The following AHR variants were observed in gnomAD, a reference collection of about 807,000 sequenced individuals.
AHR encodes the protein aryl hydrocarbon receptor.
Under a neutral mutation model 86.8 loss-of-function variants are expected in AHR, and 40 were observed. That is an observed-to-expected ratio of 0.46 (90% CI 0.36 to 0.60). The LOEUF is 0.60. AHR is among the 20% of genes least tolerant of loss of function. The pLI, the probability that AHR is intolerant of heterozygous loss-of-function variation, is 0.00. For synonymous variants in AHR, 398 were observed against 354.9 expected, an observed-to-expected ratio of 1.12 and a Z score of -1.37; for missense variants, 1,001 against 1,011.6, an observed-to-expected ratio of 0.99 and a Z score of 0.14.
At chr7:17,304,722 G>A (rs978930381) in intron 1 of AHR, among the ~76,000 whole-genome samples, 1 of 152,086 alleles carries the variant, frequency 6.6e-6, no homozygotes, top group Non-Finnish European at 1.5e-5. Flanking sequence ...GTAGGAAAAA[G>A]AATGTCTTTA....
intron 6 of AHR, 77 bp downstream of exon 6, chr7:17,330,963 A>G (rs1782282419): frequency 5.3e-6 from 8 of 1,497,226 alleles, no homozygotes; most frequent in Non-Finnish European, 7.3e-6. Context: ...ATTTAGCAAA[A>G]TATAATTCAG....
chr7:17,307,983 C>T (rs1350703657), intron 1 of AHR, among the ~76,000 whole-genome samples: 2 of 152,146 alleles, frequency 1.3e-5, no homozygotes, highest in Admixed American at 1.3e-4. Flanking sequence ...CTGTCCAAAC[C>T]AGCATCACGT....
Position 17,335,764 on chromosome 7 carries a change from A to G in AHR, c.1138A>G (p.Ile380Val). 6.2e-7 allele frequency: 1 copy of G among 1,612,956 alleles called. No homozygotes were observed. The highest frequency in any genetic ancestry group is 8.5e-7 in the Non-Finnish European group (1 of 1,179,428). The part of the protein sequence containing the change: ...LYKNGRPDYI[I>V]VTQRPLTDEE... ...TAAAAATGGAAGACCAGATTATATC[A>G]TTGTAACTCAGAGACCACTAACGTA... The change falls in exon 9 of 11, where the codon ATT (isoleucine) becomes GTT (valine). Residue 380 changes from isoleucine (I) to valine (V), a missense_variant. Around this residue, in one of 2 missense-constraint regions of AHR, gnomAD observed 394 missense variants for 468.5 expected, o/e 0.84. Coordinates refer to ENST00000242057, the MANE Select transcript of AHR (RefSeq NM_001621.5).
At chr7:17,336,989 A>G (rs1267868368) in intron 9 of AHR, among the ~76,000 whole-genome samples, 1 of 152,130 alleles carries the variant, frequency 6.6e-6, no homozygotes, top group Non-Finnish European at 1.5e-5. Context: ...ATACTTAAAC[A>G]TATATATCAG....
chr7:17,325,859 C>T (rs1782224800), intron 3 of AHR, among the ~76,000 whole-genome samples: 1 of 152,056 alleles, frequency 6.6e-6, no homozygotes, highest in South Asian at 2.1e-4. Flanking sequence ...AGGCTTAATA[C>T]CTGGGTGATG....
intron 1 of AHR, among the ~76,000 whole-genome samples, chr7:17,299,899 C>A (rs528585607): frequency 6.6e-6 from 1 of 152,150 alleles, no homozygotes; most frequent in Non-Finnish European, 1.5e-5. Context: ...TAGCGCTCAT[C>A]GTGACCATAT....
chr7:17,309,360 A>G (rs1782039487), intron 1 of AHR, among the ~76,000 whole-genome samples: 1 of 152,236 alleles, frequency 6.6e-6, no homozygotes, highest in African/African-American at 2.4e-5. Flanking sequence ...TTCTTTTAAT[A>G]TTTGAGGACC....
Position 17,339,539 on chromosome 7 carries a change from T to G in AHR, c.1714T>G (p.Phe572Val). The change falls in exon 10 of 11, where the codon TTC (phenylalanine) becomes GTC (valine). Residue 572 changes from phenylalanine to valine, a missense_variant. Physicochemically the swap from Phe to Val is conservative, Grantham distance 50 (BLOSUM62 -1). This residue lies in a region of AHR where 607 missense variants were observed against 543.1 expected (regional missense o/e 1.12). Coordinates refer to ENST00000242057, the MANE Select transcript of AHR (RefSeq NM_001621.5). Reference sequence around the variant, plus strand: ...AAATGATTTTTCTGGTGAGGTTGACTTCAGAGACATTGACTTAACGGATGA... The same window carrying G: ...AAATGATTTTTCTGGTGAGGTTGACGTCAGAGACATTGACTTAACGGATGA... ...FRNDFSGEVDFRDIDLTDEIL... is the reference protein window; with the variant it reads ...FRNDFSGEVDVRDIDLTDEIL... 1 of 1,614,202 alleles carries G rather than the reference T, an allele frequency of 6.2e-7. No individual in the cohort carries two copies. Among genetic ancestry groups the G allele is most frequent in the Non-Finnish European group, 8.5e-7 (1 of 1,180,036 alleles).
chr7:17,329,357 T>TA (rs1341928864), intron 4 of AHR, among the ~76,000 whole-genome samples: 1 of 151,946 alleles, frequency 6.6e-6, no homozygotes, highest in Non-Finnish European at 1.5e-5. Flanking sequence ...ATGTATTTTT[T>TA]ATCATAACTT....
At position 17,333,916 on chromosome 7, in the gene AHR, T is replaced by A; in HGVS notation, c.710T>A (p.Met237Lys). 1 of 1,612,370 alleles carries A rather than the reference T, an allele frequency of 6.2e-7. No individual in the cohort carries two copies. The highest frequency in any genetic ancestry group is 8.5e-7 in the Non-Finnish European group (1 of 1,178,936). ...TGTTGTTGTTGCTTTTTTAAGGCAA[T>A]GAATTTCCAAGGGAAGTTAAAGTAT... is the stretch of plus-strand genomic sequence containing the variant. ...LLDNSSGFLA[M>K]NFQGKLKYLH... The change falls in exon 7 of 11, where the codon ATG (methionine) becomes AAG (lysine). Residue 237 changes from methionine to lysine, a missense_variant. This residue lies in a region of AHR where 394 missense variants were observed against 468.5 expected (regional missense o/e 0.84). Transcript: ENST00000242057.
intron 2 of AHR, among the ~76,000 whole-genome samples, chr7:17,321,469 T>C (rs1424338926): frequency 3.3e-5 from 5 of 151,890 alleles, no homozygotes; most frequent in Admixed American, 3.3e-4. Flanking sequence ...CAGTTACCAA[T>C]ATCCACATGC....
intron 3 of AHR, among the ~76,000 whole-genome samples, chr7:17,326,752 A>C (rs1782234626): frequency 6.6e-6 from 1 of 152,174 alleles, no homozygotes; most frequent in African/African-American, 2.4e-5. Flanking sequence ...ACAGGAGTCC[A>C]GACCAAATCT....
chr7:17,340,138 G>C lies in AHR; in HGVS notation c.2313G>C (p.Met771Ile). 6.2e-7 allele frequency: 1 copy of C among 1,614,200 alleles called. No individual in the cohort carries two copies. Among genetic ancestry groups the C allele is most frequent in the Admixed American group, 1.7e-5 (1 of 60,026 alleles). ...PQTCYAGAVS[M>I]YQCQPEPQHT... ...CATGTTATGCTGGGGCCGTGTCGAT[G>C]TATCAGTGCCAGCCAGAACCTCAGC... The change falls in exon 10 of 11, where the codon ATG becomes ATC. Residue 771 changes from methionine to isoleucine, a missense_variant. Physicochemically the swap from Met to Ile is conservative, Grantham distance 10. Around this residue, in one of 2 missense-constraint regions of AHR, gnomAD observed 607 missense variants for 543.1 expected, o/e 1.12. Coordinates refer to ENST00000242057, the MANE Select transcript of AHR (RefSeq NM_001621.5).
rs1431564184 is a variant in AHR at position 17,309,949 on chromosome 7, C to G, written c.79C>G (p.Pro27Ala). The change falls in exon 2 of 11, where the codon CCA becomes GCA. Residue 27 changes from proline to alanine, a missense_variant. By Grantham distance (27) the Pro-to-Ala change is conservative. Coordinates refer to ENST00000242057, the MANE Select transcript of AHR (RefSeq NM_001621.5). ...KPVQKTVKPI[P>A]AEGIKSNPSK... The stretch of plus-strand genomic sequence containing the variant: ...TTTGTTTTTCAGAGTAAAGCCAATC[C>G]CAGCTGAAGGAATCAAGTCAAATCC... The G allele has an allele frequency of 6.3e-7, 1 of 1,578,224 alleles. No individual in the cohort carries two copies. Among genetic ancestry groups the G allele is most frequent in the African/African-American group, 1.3e-5 (1 of 74,524 alleles).
chr7:17,332,565 T>TA (rs749274294), intron 6 of AHR, among the ~76,000 whole-genome samples: 19 of 151,692 alleles, frequency 1.3e-4, no homozygotes, highest in Non-Finnish European at 2.2e-4. Flanking sequence ...GTTTAAAAAG[T>TA]AAAAAAATTA....
chr7:17,340,288 G>T, intron 10 of AHR, 60 bp downstream of exon 10: 3 of 1,501,056 alleles, frequency 2.0e-6, no homozygotes, highest in East Asian at 2.3e-5. Flanking sequence ...TTATAGACAT[G>T]TTACACATTT....
At chr7:17,325,321 C>G (rs1451907988) in intron 3 of AHR, among the ~76,000 whole-genome samples, 1 of 152,150 alleles carries the variant, frequency 6.6e-6, no homozygotes, top group African/African-American at 2.4e-5. Flanking sequence ...CTTCTGTCTT[C>G]TGGCATGTAC....
chr7:17,317,426 T>C (rs1782127604), intron 2 of AHR, among the ~76,000 whole-genome samples: 1 of 152,138 alleles, frequency 6.6e-6, no homozygotes, highest in South Asian at 2.1e-4. Flanking sequence ...TTTTCTGTTA[T>C]TGCGCTATGT....
intron 1 of AHR, among the ~76,000 whole-genome samples, chr7:17,308,834 C>G (rs1782033138): frequency 6.6e-6 from 1 of 152,078 alleles, no homozygotes; most frequent in Non-Finnish European, 1.5e-5. Context: ...AAGAAATTAT[C>G]TAGAAATGTT....
Sources: allele counts gnomAD v4.1 joint callset (sites outside exome capture counted in the v4.1 genomes callset), GRCh38; gene constraint gnomAD v4.1.1; regional missense constraint gnomAD v4.1.1; transcripts MANE v1.5; gene names NCBI Gene and HGNC (gene_info 2026-07-23, HGNC 2026-07-21).